Variants in CEP89 observed in about 807,000 individuals in gnomAD.
CEP89 encodes centrosomal protein of 89 kDa.
Under a neutral mutation model 97.6 loss-of-function variants are expected in CEP89, and 95 were observed. That is an observed-to-expected ratio of 0.97 (90% CI 0.82 to 1.15). The LOEUF is 1.15. Among genes scored for constraint, CEP89 ranks in the 50% most tolerant of loss-of-function variants. The probability of loss-of-function intolerance (pLI) is 0.00; values close to 1 mark genes in which losing one functional copy is unlikely to be tolerated. For missense variants in CEP89, 869 were observed against 947.7 expected (o/e 0.92, Z 1.09); for synonymous variants, 354 against 349.1 (o/e 1.01, Z -0.16).
Position 32,879,172 on chromosome 19 carries a change from G to T in CEP89, c.2342C>A (p.Pro781His). The stretch of plus-strand genomic sequence containing the variant: ...GGGCTCCCGCAGATTCTAGCAGGTG[G>T]GGGCATGAGACTTCAGGTCATAGGA... ...VCSYDLKSHA[P>H]TC Residue 781 changes from proline to histidine, a missense_variant, in exon 19 of 19, where the codon CCC becomes CAC. Physicochemically the swap from Pro to His is moderately conservative, Grantham distance 77. Transcript: ENST00000305768. The T allele has an allele frequency of 6.2e-7, 1 of 1,607,760 alleles. No homozygotes were observed. Among genetic ancestry groups the T allele is most frequent in the Non-Finnish European group, 8.5e-7 (1 of 1,175,872 alleles).
intron 1 of CEP89, 111 bp from the exon 2 acceptor site, chr19:32,966,577 G>A: frequency 2.0e-6 from 1 of 488,216 alleles, no homozygotes; most frequent in Non-Finnish European, 3.4e-6. Flanking sequence ...GCCACCCATG[G>A]ATCCAAACCC....
intron 3 of CEP89, among the ~76,000 whole-genome samples, chr19:32,958,403 G>A (rs1466374707): frequency 6.6e-6 from 1 of 152,132 alleles, no homozygotes; most frequent in Admixed American, 6.6e-5. Flanking sequence ...AGCCTACACA[G>A]GCCAGGCATA....
Position 32,931,510 on chromosome 19 carries a change from A to G in CEP89, c.948T>C (p.Asp316=), listed in dbSNP as rs763096732. 5 of 1,588,680 alleles carry G rather than the reference A, an allele frequency of 3.1e-6. No homozygotes were observed. ...AACGATGGACAGTCATTTTCAATCC[A>G]TCATTTTCATCCACCAGTTCTTGAG... ...KQAQELVDEN[D]GLKMTVHRLN... The change falls in exon 9 of 19, where the codon GAT becomes GAC. Residue 316 remains aspartate, a synonymous_variant. Coordinates refer to ENST00000305768, the MANE Select transcript of CEP89 (RefSeq NM_032816.5).
At chr19:32,959,042 A>C (rs1427494341) in intron 3 of CEP89, among the ~76,000 whole-genome samples, 1 of 41,648 alleles carries the variant, frequency 2.4e-5, no homozygotes, top group African/African-American at 7.9e-5. Context: ...CAAAACAAAC[A>C]AAACAAAAAA....
intron 1 of CEP89, chr19:32,971,603 G>A (rs939253163): frequency 5.0e-6 from 3 of 598,364 alleles, no homozygotes; most frequent in Non-Finnish European, 8.9e-6. Flanking sequence ...GATGCAGTGA[G>A]CTATGATCGC....
chr19:32,901,565 G>A (rs1969771629), intron 14 of CEP89, among the ~76,000 whole-genome samples, 153 bp from the exon 15 acceptor site: 1 of 152,020 alleles, frequency 6.6e-6, no homozygotes, highest in African/African-American at 2.4e-5. Flanking sequence ...CCCCATCCTG[G>A]GCCCTAGAGG....
At position 32,915,370 on chromosome 19, in the gene CEP89, TC is replaced by T; in HGVS notation, c.1531del (p.Glu511LysfsTer7). The T allele has an allele frequency of 6.2e-7, 1 of 1,610,058 alleles. No homozygotes were observed. Among genetic ancestry groups the T allele is most frequent in the East Asian group, 2.2e-5 (1 of 44,846 alleles). ...KTHSDGKIAVEVHKSIVNELK... is the reference protein window; with the variant it reads ...KTHSDGKIAVXVHKSIVNELK... ...TTCATTCACAATTGATTTATGAACT[TC>T]CACTGCGATTTTGCCATCCGAGTGT... On this transcript the variant is annotated frameshift_variant, in exon 14 of 19. Coordinates refer to ENST00000305768, the MANE Select transcript of CEP89 (RefSeq NM_032816.5). LOFTEE classifies it high-confidence loss of function.
At chr19:32,925,260 AC>A (rs11293440) in intron 11 of CEP89, among the ~76,000 whole-genome samples, 66,253 of 151,794 alleles carry the variant, frequency 0.44, 14,856 homozygotes, top group East Asian at 0.65. Context: ...CATCTACAAC[AC>A]CTACACAGGC....
chr19:32,914,241 A>C (rs1970072896), intron 14 of CEP89, among the ~76,000 whole-genome samples: 1 of 151,954 alleles, frequency 6.6e-6, no homozygotes, highest in African/African-American at 2.4e-5. Context: ...TCATTTAACT[A>C]ATTCCTTATT....
rs750448528 is a variant in CEP89 at position 32,944,220 on chromosome 19, T to TAAAAAAAAAAAAAAAAAA, written c.595+4045_595+4046insTTTTTTTTTTTTTTTTTT. On this transcript the variant is annotated intron_variant, in intron 5 of 18. Coordinates refer to ENST00000305768, the MANE Select transcript of CEP89 (RefSeq NM_032816.5). ...GCCTGGGCAACAGAGTGAGACCCTG[T>TAAAAAAAAAAAAAAAAAA]AAAAAAAAAAAAAAAAAGACTCTTC... Among the ~76,000 whole-genome samples the TAAAAAAAAAAAAAAAAAA allele has an allele frequency of 6.7e-4, 42 of 62,410 alleles. 4 individuals carry two copies. Among genetic ancestry groups the TAAAAAAAAAAAAAAAAAA allele is most frequent in the African/African-American group, 2.2e-3 (33 of 14,894 alleles). 40.9% of individuals were successfully genotyped at this position (62,410 alleles called of 152,430 possible). A position where few individuals can be genotyped will look rare whatever the true frequency, so the allele number is the denominator to read the frequency against.
intron 3 of CEP89, among the ~76,000 whole-genome samples, chr19:32,957,163 A>T (rs1169829314): frequency 4.6e-5 from 7 of 152,184 alleles, no homozygotes; most frequent in Non-Finnish European, 2.9e-5. Context: ...TATGTTTTAA[A>T]ATATGACAGG....
chr19:32,956,724 C>T (rs1971057026), intron 3 of CEP89, among the ~76,000 whole-genome samples: 1 of 152,094 alleles, frequency 6.6e-6, no homozygotes, highest in Admixed American at 6.6e-5. Context: ...CCTGACTTTG[C>T]TTTTACTATA....
At chr19:32,882,195 A>G (rs1268845758) in intron 17 of CEP89, among the ~76,000 whole-genome samples, 182 bp from the exon 18 acceptor site, 1 of 152,192 alleles carries the variant, frequency 6.6e-6, no homozygotes, top group Admixed American at 6.5e-5. Flanking sequence ...TGACAAAAGA[A>G]TTTCAGGTAC....
At chr19:32,911,462 G>T (rs924860748) in intron 14 of CEP89, among the ~76,000 whole-genome samples, 4 of 152,176 alleles carry the variant, frequency 2.6e-5, no homozygotes, top group Non-Finnish European at 4.4e-5. Context: ...AGATCAGCCT[G>T]GGCAACATGG....
chr19:32,912,948 A>C (rs1257450045), intron 14 of CEP89, among the ~76,000 whole-genome samples: 1 of 151,658 alleles, frequency 6.6e-6, no homozygotes, highest in East Asian at 1.9e-4. Flanking sequence ...AGGCTGAGGC[A>C]GGAGAATGGC....
At position 32,879,165 on chromosome 19, in the gene CEP89, G is replaced by A; in HGVS notation, c.2349C>T (p.Cys783=). 2.5e-6 allele frequency: 4 copies of A among 1,605,832 alleles called. No homozygotes were observed. The highest frequency in any genetic ancestry group is 3.4e-6 in the Non-Finnish European group (4 of 1,174,914). ...ACACCACGGGCTCCCGCAGATTCTA[G>A]CAGGTGGGGGCATGAGACTTCAGGT... is the stretch of plus-strand genomic sequence containing the variant. ...SYDLKSHAPT[C] is the part of the protein sequence containing the mutation. The change falls in exon 19 of 19, where the codon TGC becomes TGT. Residue 783 remains cysteine, a synonymous_variant. Coordinates refer to ENST00000305768, the MANE Select transcript of CEP89 (RefSeq NM_032816.5).
intron 16 of CEP89, among the ~76,000 whole-genome samples, chr19:32,892,868 G>T (rs572090716): frequency 6.6e-6 from 1 of 151,968 alleles, no homozygotes; most frequent in African/African-American, 2.4e-5. Context: ...CTACTATCAT[G>T]AAAACACATG....
intron 16 of CEP89, among the ~76,000 whole-genome samples, chr19:32,890,596 G>A (rs1432153457): frequency 1.3e-5 from 2 of 151,946 alleles, no homozygotes; most frequent in African/African-American, 4.8e-5. Context: ...ATGAAGGAGA[G>A]GGAGACGACA....
At chr19:32,942,352 G>A (rs1970704927) in intron 5 of CEP89, among the ~76,000 whole-genome samples, 1 of 152,102 alleles carries the variant, frequency 6.6e-6, no homozygotes, top group Non-Finnish European at 1.5e-5. Flanking sequence ...CCACACTCCA[G>A]CCTGGACAAC....
Sources: allele counts gnomAD v4.1 joint callset (sites outside exome capture counted in the v4.1 genomes callset), GRCh38; gene constraint gnomAD v4.1.1; transcripts MANE v1.5; gene names NCBI Gene and HGNC (gene_info 2026-07-23, HGNC 2026-07-21).